The following NRXN3 variants were observed in gnomAD, a reference collection of about 807,000 sequenced individuals.
The protein encoded by NRXN3 is neurexin 3.
In NRXN3, 32 loss-of-function variants were observed where a neutral mutation model predicts 137.6. The ratio of observed to expected loss-of-function variants is 0.23; its 90% CI spans 0.18 to 0.31. The LOEUF (loss-of-function observed/expected upper bound fraction) is 0.31. NRXN3 is among the 10% of genes least tolerant of loss of function. The pLI, the probability that NRXN3 is intolerant of heterozygous loss-of-function variation, is 1.00. For missense variants in NRXN3, 1,574 were observed against 2,062.5 expected, an observed-to-expected ratio of 0.76 and a Z score of 4.59; for synonymous variants, 798 against 784.5, an observed-to-expected ratio of 1.02 and a Z score of -0.29.
chr14:79,789,608 G>T (rs1049172079), intron 19 of NRXN3, among the ~76,000 whole-genome samples: 10 of 152,144 alleles, frequency 6.6e-5, no homozygotes, highest in Non-Finnish European at 1.5e-4. Context: ...ACCTTATAGG[G>T]TAACTACTCT....
chr14:79,611,241 G>A (rs1178802964), intron 16 of NRXN3, among the ~76,000 whole-genome samples: 1 of 152,212 alleles, frequency 6.6e-6, no homozygotes, highest in African/African-American at 2.4e-5. Flanking sequence ...TATAGTACAT[G>A]TTAAGTGAGA....
intron 4 of NRXN3, among the ~76,000 whole-genome samples, chr14:78,336,054 C>G (rs1369087988): frequency 6.6e-6 from 1 of 152,166 alleles, no homozygotes; most frequent in Non-Finnish European, 1.5e-5. Context: ...ACTGGAGAAG[C>G]AAGTTAAACT....
intron 19 of NRXN3, among the ~76,000 whole-genome samples, chr14:79,698,956 A>G (rs2098744719): frequency 6.6e-6 from 1 of 152,054 alleles, no homozygotes; most frequent in South Asian, 2.1e-4. Flanking sequence ...AATTAAATGT[A>G]TGTGAGCTAG....
rs5741998 is a variant in NRXN3, at chr14:79,719,402, G to GTATATATATGTGTGTGTATATATA, written c.4014+21474_4014+21475insGTGTGTGTATATATATATATATAT. 2.2e-3 allele frequency among the ~76,000 whole-genome samples: 306 copies of GTATATATATGTGTGTGTATATATA among 142,304 alleles called. 7 individuals are homozygous for GTATATATATGTGTGTGTATATATA. In the East Asian group the frequency reaches 0.037, roughly 17 times the overall value. 93.4% of individuals were successfully genotyped at this position (142,304 alleles called of 152,430 possible). A position where few individuals can be genotyped will look rare whatever the true frequency, so the allele number is the denominator to read the frequency against. Reference sequence around the variant, plus strand: ...TATATGTGTGTGTATATATATGTGTGTATATATATATATATATACCTTTCC... The same window carrying GTATATATATGTGTGTGTATATATA: ...TATATGTGTGTGTATATATATGTGTGTATATATATGTGTGTGTATATATATATATATATATATATATACCTTTCC... On this transcript the variant is annotated intron_variant, in intron 19 of 20. Coordinates refer to ENST00000335750, the MANE Select transcript of NRXN3 (RefSeq NM_001330195.2).
chr14:79,325,592 T>G (rs2090733180), intron 15 of NRXN3, among the ~76,000 whole-genome samples: 1 of 152,210 alleles, frequency 6.6e-6, no homozygotes, highest in African/African-American at 2.4e-5. Context: ...TATTTTTAAT[T>G]TGTCTTGTTT....
intron 4 of NRXN3, among the ~76,000 whole-genome samples, chr14:78,459,994 A>G (rs151046339): frequency 0.017 from 2,574 of 152,340 alleles, 24 homozygotes; most frequent in Non-Finnish European, 0.026. Flanking sequence ...ACTGGCTATA[A>G]ATCGGGGATT....
chr14:79,082,242 T>C (rs2047182364), intron 15 of NRXN3, among the ~76,000 whole-genome samples: 3 of 152,132 alleles, frequency 2.0e-5, no homozygotes, highest in Admixed American at 2.0e-4. Flanking sequence ...TTTTATAAAT[T>C]TATTTGACAG....
chr14:79,421,284 C>T (rs1231533286), intron 15 of NRXN3, among the ~76,000 whole-genome samples: 1 of 152,134 alleles, frequency 6.6e-6, no homozygotes, highest in Non-Finnish European at 1.5e-5. Flanking sequence ...GTGGGAAAGG[C>T]TCTGATCCAG....
At chr14:79,747,460 A>G (rs2098983160) in intron 19 of NRXN3, among the ~76,000 whole-genome samples, 5 of 152,098 alleles carry the variant, frequency 3.3e-5, no homozygotes, top group African/African-American at 1.2e-4. Context: ...GAGAACCCTG[A>G]ACTCAGGAAA....
intron 4 of NRXN3, among the ~76,000 whole-genome samples, chr14:78,569,936 T>C (rs1166536428): frequency 6.6e-6 from 1 of 152,210 alleles, no homozygotes; most frequent in African/African-American, 2.4e-5. Context: ...GAGATGTTGA[T>C]ATCCAGGGGC....
intron 16 of NRXN3, among the ~76,000 whole-genome samples, chr14:79,472,786 A>G (rs1480204898): frequency 2.0e-5 from 3 of 152,126 alleles, no homozygotes; most frequent in African/African-American, 7.2e-5. Flanking sequence ...TCATTTATAC[A>G]ACAGGGAAAA....
At chr14:78,418,449 A>T (rs1413954660) in intron 4 of NRXN3, among the ~76,000 whole-genome samples, 1 of 152,172 alleles carries the variant, frequency 6.6e-6, no homozygotes, top group Non-Finnish European at 1.5e-5. Context: ...ATGCATTCCC[A>T]CATTGGTAGC....
chr14:79,779,105 A>ATTG (rs932494789), intron 19 of NRXN3, among the ~76,000 whole-genome samples: 5 of 152,108 alleles, frequency 3.3e-5, no homozygotes, highest in Non-Finnish European at 5.9e-5. Context: ...ATGGCAATGA[A>ATTG]TTGTTGTTGT....
chr14:78,321,531 C>G (rs1286292063), intron 4 of NRXN3, among the ~76,000 whole-genome samples: 1 of 152,000 alleles, frequency 6.6e-6, no homozygotes. Flanking sequence ...GAGTAGTTGT[C>G]ATTGTTTTTT....
chr14:78,796,893 G>A (rs1193649053), intron 8 of NRXN3, among the ~76,000 whole-genome samples: 2 of 152,070 alleles, frequency 1.3e-5, no homozygotes, highest in African/African-American at 2.4e-5. Flanking sequence ...TGGTCTGGAA[G>A]ACTGTATTTA....
intron 15 of NRXN3, among the ~76,000 whole-genome samples, chr14:79,403,083 T>C (rs1324832793): frequency 6.6e-6 from 1 of 152,130 alleles, no homozygotes; most frequent in Non-Finnish European, 1.5e-5. Context: ...TGTGCCATGA[T>C]GTGGGAATTA....
At chr14:79,588,692 A>G (rs1478602641) in intron 16 of NRXN3, among the ~76,000 whole-genome samples, 3 of 152,220 alleles carry the variant, frequency 2.0e-5, no homozygotes, top group African/African-American at 4.8e-5. Context: ...TTAAGTGGGT[A>G]ACAAATGAAC....
At chr14:79,176,565 C>T (rs2062366820) in intron 15 of NRXN3, among the ~76,000 whole-genome samples, 1 of 152,180 alleles carries the variant, frequency 6.6e-6, no homozygotes, top group Admixed American at 6.5e-5. Context: ...GCACTCTAGC[C>T]ATGCTGGATT....
At chr14:79,048,884 A>G (rs1400278399) in intron 15 of NRXN3, among the ~76,000 whole-genome samples, 2 of 148,626 alleles carry the variant, frequency 1.3e-5, no homozygotes, top group Non-Finnish European at 3.0e-5. Flanking sequence ...TTAGCCGGGC[A>G]TGGTGGCGCG....
Sources: gnomAD v4.1 joint callset for allele counts (sites outside exome capture counted in the v4.1 genomes callset) on GRCh38, gnomAD v4.1.1 for gene constraint, MANE v1.5 for transcripts, NCBI Gene and HGNC (gene_info 2026-07-23, HGNC 2026-07-21) for gene names.